The following TAFA5 variants were observed in gnomAD, a reference collection of about 807,000 sequenced individuals.
The protein encoded by TAFA5 is chemokine-like protein TAFA-5.
TAFA5 carries 6 observed loss-of-function variants against 15.3 expected under a neutral mutation model. The ratio of observed to expected loss-of-function variants is 0.39; its 90% confidence interval spans 0.21 to 0.77. The LOEUF is 0.77. Among genes scored for constraint, TAFA5 ranks in the 30% least tolerant of loss-of-function variants. TAFA5 has a pLI of 0.41. For synonymous variants in TAFA5, 103 were observed against 80.7 expected, an observed-to-expected ratio of 1.28 and a Z score of -1.48; for missense variants, 161 against 193.1, an observed-to-expected ratio of 0.83 and a Z score of 0.98.
intron 1 of TAFA5, among the ~76,000 whole-genome samples, chr22:48,623,982 A>G (rs1400624768): frequency 6.6e-6 from 1 of 152,208 alleles, no homozygotes; most frequent in Non-Finnish European, 1.5e-5. Context: ...TTTTTATGGT[A>G]TCCAGAATTC....
intron 1 of TAFA5, among the ~76,000 whole-genome samples, chr22:48,613,724 G>A (rs888590941): frequency 2.0e-5 from 3 of 152,206 alleles, no homozygotes; most frequent in Non-Finnish European, 2.9e-5. Context: ...TTGTGGCTGC[G>A]CCCCAGCCCG....
At chr22:48,584,951 C>A (rs954307566) in intron 1 of TAFA5, among the ~76,000 whole-genome samples, 1 of 140,318 alleles carries the variant, frequency 7.1e-6, no homozygotes, top group African/African-American at 2.7e-5. Flanking sequence ...ACTGATATCA[C>A]ACACACACCA....
chr22:48,664,595 A>G (rs1229450304), intron 2 of TAFA5, among the ~76,000 whole-genome samples: 2 of 151,712 alleles, frequency 1.3e-5, no homozygotes, highest in Non-Finnish European at 2.9e-5. Flanking sequence ...CCTTGATCTC[A>G]CCCCTCCTGG....
intron 1 of TAFA5, among the ~76,000 whole-genome samples, chr22:48,559,597 G>A (rs368825136): frequency 7.9e-5 from 12 of 152,054 alleles, no homozygotes; most frequent in South Asian, 2.1e-4. Flanking sequence ...CACTGCAGCC[G>A]TCACCGAGAG....
At chr22:48,660,364 C>T (rs5771695) in intron 2 of TAFA5, among the ~76,000 whole-genome samples, 1 of 151,972 alleles carries the variant, frequency 6.6e-6, no homozygotes, top group Non-Finnish European at 1.5e-5. Flanking sequence ...GTGGCGCTTG[C>T]GCACATCTCG....
intron 1 of TAFA5, among the ~76,000 whole-genome samples, chr22:48,532,230 G>A (rs927385792): frequency 4.6e-5 from 7 of 152,200 alleles, no homozygotes; most frequent in African/African-American, 1.2e-4. Flanking sequence ...TGTGGCCCTC[G>A]CCTCCAGGGC....
At chr22:48,580,212 A>C (rs1310817489) in intron 1 of TAFA5, among the ~76,000 whole-genome samples, 1 of 152,106 alleles carries the variant, frequency 6.6e-6, no homozygotes, top group Non-Finnish European at 1.5e-5. Flanking sequence ...TTCGGAAATG[A>C]GGCGTCCTCC....
intron 3 of TAFA5, among the ~76,000 whole-genome samples, chr22:48,724,816 C>A (rs1234125864): frequency 6.6e-6 from 1 of 152,198 alleles, no homozygotes; most frequent in African/African-American, 2.4e-5. Context: ...AGGTGGAATC[C>A]TACCCACCCA....
intron 1 of TAFA5, among the ~76,000 whole-genome samples, chr22:48,590,896 G>T (rs1336725659): frequency 1.3e-5 from 2 of 151,340 alleles, no homozygotes; most frequent in Admixed American, 6.6e-5. Flanking sequence ...CTGTCATCCA[G>T]GCTGGAGTGC....
intron 1 of TAFA5, among the ~76,000 whole-genome samples, chr22:48,499,804 T>G (rs1200560543): frequency 1.3e-5 from 2 of 152,198 alleles, no homozygotes; most frequent in East Asian, 3.9e-4. Context: ...AAGGCGGACC[T>G]TCCCTCCCGG....
intron 2 of TAFA5, among the ~76,000 whole-genome samples, chr22:48,664,902 A>G (rs1378581463): frequency 6.6e-6 from 1 of 152,120 alleles, no homozygotes; most frequent in Non-Finnish European, 1.5e-5. Flanking sequence ...CTGTGAACAT[A>G]CTTGGTGCAC....
At chr22:48,610,650 C>T (rs76215326) in intron 1 of TAFA5, among the ~76,000 whole-genome samples, 18 of 151,996 alleles carry the variant, frequency 1.2e-4, no homozygotes, top group African/African-American at 3.4e-4. Flanking sequence ...GGCTTCGGGC[C>T]GTGTTGAGCT....
At chr22:48,735,894 A>G (rs866466664) in intron 3 of TAFA5, among the ~76,000 whole-genome samples, 10 of 51,638 alleles carry the variant, frequency 1.9e-4, no homozygotes, top group East Asian at 2.9e-4. Context: ...TGAGAATCAC[A>G]CTCCTAGAGT....
intron 2 of TAFA5, among the ~76,000 whole-genome samples, chr22:48,656,997 A>T (rs573834129): frequency 6.6e-6 from 1 of 151,988 alleles, no homozygotes; most frequent in East Asian, 1.9e-4. Flanking sequence ...TCTCAAACTC[A>T]TGGCCTCAAG....
At chr22:48,656,563 C>A (rs1489888121) in intron 2 of TAFA5, among the ~76,000 whole-genome samples, 3 of 151,208 alleles carry the variant, frequency 2.0e-5, no homozygotes, top group Non-Finnish European at 4.4e-5. Flanking sequence ...TATACTGAAA[C>A]CAAAAATATC....
chr22:48,584,073 C>T (rs570622442), intron 1 of TAFA5, among the ~76,000 whole-genome samples: 2 of 147,988 alleles, frequency 1.4e-5, no homozygotes, highest in Admixed American at 1.3e-4. Flanking sequence ...TACCAGACAC[C>T]ACACACCACT....
chr22:48,711,891 G>A (rs575135811), intron 3 of TAFA5, among the ~76,000 whole-genome samples: 1 of 152,348 alleles, frequency 6.6e-6, no homozygotes, highest in South Asian at 2.1e-4. Context: ...TTACTTCTCT[G>A]TGTGGCGCCA....
chr22:48,621,384 T>C (rs1301491569), intron 1 of TAFA5, among the ~76,000 whole-genome samples: 2 of 151,782 alleles, frequency 1.3e-5, no homozygotes, highest in Non-Finnish European at 2.9e-5. Context: ...CATTCATCCA[T>C]TCTTGTGTTG....
chr22:48,696,814 T>C (rs1928727141), intron 2 of TAFA5, among the ~76,000 whole-genome samples: 1 of 152,238 alleles, frequency 6.6e-6, no homozygotes, highest in African/African-American at 2.4e-5. Flanking sequence ...GCAGGTTGTG[T>C]GTGCAAGGCC....
Sources: gnomAD v4.1 joint callset for allele counts (sites outside exome capture counted in the v4.1 genomes callset) on GRCh38, gnomAD v4.1.1 for gene constraint, MANE v1.5 for transcripts, NCBI Gene and HGNC (gene_info 2026-07-23, HGNC 2026-07-21) for gene names.